The following CENPE variants were observed in gnomAD, a reference collection of about 807,000 sequenced individuals.
CENPE encodes the protein centromere protein E, also known as centromere-associated protein E.
A neutral mutation model predicts 336.1 loss-of-function variants in CENPE; 145 were observed. The observed-to-expected ratio is 0.43, with a 90% CI of 0.38 to 0.50. The LOEUF is 0.50. Among genes scored for constraint, CENPE ranks in the 20% least tolerant of loss-of-function variants. CENPE has a pLI of 0.00. For synonymous variants in CENPE, 1,013 were observed against 984.8 expected (o/e 1.03, Z -0.54); for missense variants, 2,719 against 3,023.3 (o/e 0.90, Z 2.36).
chr4:103,175,815 T>C (rs1755805496), intron 15 of CENPE, 145 bp downstream of exon 15: 4 of 496,596 alleles, frequency 8.1e-6, no homozygotes, highest in Non-Finnish European at 1.4e-5. Flanking sequence ...TGCCTGATGG[T>C]TATAGAGTAG....
chr4:103,167,726 G>C (rs1383227147), intron 16 of CENPE, among the ~76,000 whole-genome samples: 2 of 152,232 alleles, frequency 1.3e-5, no homozygotes, highest in East Asian at 3.8e-4. Flanking sequence ...CCAACACCCA[G>C]GTGGGAGTCC....
intron 4 of CENPE, among the ~76,000 whole-genome samples, chr4:103,195,595 G>A (rs1353899175): frequency 6.6e-6 from 1 of 151,946 alleles, no homozygotes; most frequent in South Asian, 2.1e-4. Flanking sequence ...ACTTTCTACT[G>A]TTCCTTTATA....
chr4:103,123,801 A>G (rs1227087683), intron 42 of CENPE, among the ~76,000 whole-genome samples: 1 of 152,176 alleles, frequency 6.6e-6, no homozygotes, highest in Admixed American at 6.5e-5. Flanking sequence ...ATCCCCTGAA[A>G]AAAGTGACAC....
intron 16 of CENPE, among the ~76,000 whole-genome samples, chr4:103,169,946 C>A (rs975582982): frequency 6.6e-6 from 1 of 152,068 alleles, no homozygotes; most frequent in Non-Finnish European, 1.5e-5. Context: ...TGGAATACTA[C>A]GCAGCCATAA....
intron 43 of CENPE, among the ~76,000 whole-genome samples, chr4:103,121,633 C>T (rs12505289): frequency 0.17 from 25,571 of 149,850 alleles, 2,311 homozygotes; most frequent in South Asian, 0.31. Context: ...ACTGCAGTAT[C>T]GATCTCCCAG....
intron 42 of CENPE, among the ~76,000 whole-genome samples, chr4:103,129,424 C>G (rs1441966024): frequency 1.3e-5 from 2 of 152,130 alleles, no homozygotes; most frequent in Non-Finnish European, 2.9e-5. Flanking sequence ...AAGAAAACTA[C>G]AGACCAGTAT....
intron 42 of CENPE, among the ~76,000 whole-genome samples, chr4:103,125,996 A>G (rs1751065869): frequency 6.6e-6 from 1 of 152,140 alleles, no homozygotes; most frequent in Non-Finnish European, 1.5e-5. Flanking sequence ...CCCAAACTGG[A>G]GAGGCAGAGA....
chr4:103,108,773 G>A (rs373946772), intron 48 of CENPE, 30 bp downstream of exon 48: 7 of 1,588,762 alleles, frequency 4.4e-6, no homozygotes, highest in Non-Finnish European at 6.0e-6. Context: ...GTTACCCTCT[G>A]ATTTCCAAGT....
intron 13 of CENPE, among the ~76,000 whole-genome samples, chr4:103,179,591 C>T (rs1015544482): frequency 6.6e-6 from 1 of 152,186 alleles, no homozygotes; most frequent in African/African-American, 2.4e-5. Context: ...TGAGAATATG[C>T]TGTGTGGAAA....
At chr4:103,130,784 T>C (rs1358376993) in intron 42 of CENPE, among the ~76,000 whole-genome samples, 3 of 151,408 alleles carry the variant, frequency 2.0e-5, no homozygotes, top group African/African-American at 7.3e-5. Context: ...AGATTTGCTA[T>C]AAATGAAAGA....
intron 36 of CENPE, 41 bp downstream of exon 36, chr4:103,140,773 A>G (rs952103198): frequency 1.3e-6 from 2 of 1,515,322 alleles, no homozygotes; most frequent in African/African-American, 2.8e-5. Flanking sequence ...TTGCCCAAAT[A>G]TGTGAATATA....
chr4:103,148,073 T>G (rs1480847271), intron 28 of CENPE, among the ~76,000 whole-genome samples: 1 of 152,204 alleles, frequency 6.6e-6, no homozygotes, highest in Non-Finnish European at 1.5e-5. Flanking sequence ...CCCTCAGGCC[T>G]ACCTTGGATC....
intron 5 of CENPE, 49 bp downstream of exon 5, chr4:103,195,065 A>G: frequency 6.7e-7 from 1 of 1,482,838 alleles, no homozygotes; most frequent in Non-Finnish European, 9.0e-7. Flanking sequence ...AAGAACAATA[A>G]TCTCAATAAG....
intron 5 of CENPE, among the ~76,000 whole-genome samples, 181 bp downstream of exon 5, chr4:103,194,933 T>G (rs1757627161): frequency 6.6e-6 from 1 of 152,030 alleles, no homozygotes. Context: ...ATATTAGAGC[T>G]GTCAGTATTT....
Position 103,158,991 on chromosome 4 carries a change from A to G in CENPE, c.2601+19T>C, listed in dbSNP as rs771351572. On this transcript the variant is annotated intron_variant, in intron 22 of 48. Transcript: ENST00000265148. ...CAGAAGACTAAGGAGCATTTCTCAA[A>G]ATAGCATCTTGTACCAACCTCGGTC... is the stretch of plus-strand genomic sequence containing the variant. The G allele has an allele frequency of 6.5e-7, 1 of 1,531,720 alleles. No homozygotes were observed. The highest frequency in any genetic ancestry group is 8.7e-7 in the Non-Finnish European group (1 of 1,146,590). 94.9% of individuals were successfully genotyped at this position (1,531,720 alleles called of 1,614,324 possible).
At chr4:103,112,810 G>A (rs1299332837) in intron 46 of CENPE, among the ~76,000 whole-genome samples, 4 of 39,180 alleles carry the variant, frequency 1.0e-4, no homozygotes, top group Non-Finnish European at 4.2e-5. Context: ...GTATATAAGT[G>A]TATATATATA....
rs114261303 is a variant in CENPE, at chr4:103,193,889, C to T, written c.693+340G>A. Among the ~76,000 whole-genome samples the T allele has an allele frequency of 4.7e-3, 709 of 152,046 alleles. 9 individuals are homozygous for T. Among genetic ancestry groups the T allele is most frequent in the African/African-American group, 0.017 (692 of 41,516 alleles). On this transcript the variant is annotated intron_variant, in intron 8 of 48. Transcript: ENST00000265148. ...CATTGGCTGAGATTTTACAAAAAGA[C>T]CCTCAAATTCTAAGATGATCTAAAG...
chr4:103,135,943 C>T (rs1273322313), intron 40 of CENPE, among the ~76,000 whole-genome samples, 198 bp downstream of exon 40: 1 of 152,216 alleles, frequency 6.6e-6, no homozygotes, highest in Admixed American at 6.5e-5. Flanking sequence ...CCTGAACATC[C>T]TGACATAATG....
intron 8 of CENPE, among the ~76,000 whole-genome samples, chr4:103,190,628 A>G (rs1757224507): frequency 6.6e-6 from 1 of 152,260 alleles, no homozygotes; most frequent in Admixed American, 6.5e-5. Flanking sequence ...CTTACACCTT[A>G]TACAAAAATT....
Sources: allele counts gnomAD v4.1 joint callset (sites outside exome capture counted in the v4.1 genomes callset), GRCh38; gene constraint gnomAD v4.1.1; transcripts MANE v1.5; gene names NCBI Gene and HGNC (gene_info 2026-07-23, HGNC 2026-07-21).